CACNA1G: variants seen among roughly 807,000 people sequenced by gnomAD.
CACNA1G encodes voltage-dependent T-type calcium channel subunit alpha-1G.
In CACNA1G, 67 loss-of-function variants were observed where a neutral mutation model predicts 219.4. The observed-to-expected ratio is 0.31, with a 90% confidence interval of 0.25 to 0.37. The LOEUF (loss-of-function observed/expected upper bound fraction) is 0.37. CACNA1G is among the 10% of genes least tolerant of loss of function. CACNA1G has a pLI of 1.00. For synonymous variants in CACNA1G, 1,296 were observed against 1,345.3 expected (o/e 0.96, Z 0.80); for missense variants, 2,380 against 3,231.4 (o/e 0.74, Z 6.39).
At position 50,607,915 on chromosome 17, in the gene CACNA1G, G is replaced by T; in HGVS notation, c.4601G>T (p.Gly1534Val). 1 of 1,614,056 alleles carries T rather than the reference G, an allele frequency of 6.2e-7. No homozygotes were observed. Among genetic ancestry groups the T allele is most frequent in the Non-Finnish European group, 8.5e-7 (1 of 1,179,902 alleles). The change falls in exon 25 of 38, where the codon GGT becomes GTT. Residue 1534 changes from glycine to valine, a missense_variant. Gly to Val is a moderately radical substitution (Grantham distance 109, BLOSUM62 -3). Transcript: ENST00000359106. ...VAFFVLNMFV[G>V]VVVENFHKCR... ...TTCTTTGTCCTGAACATGTTTGTGG[G>T]TGTGGTGGTGGAGAACTTCCACAAG...
In CACNA1G at chr17:50,603,048, G is replaced by T; in HGVS notation, c.4018G>T (p.Ala1340Ser). 1 of 1,613,336 alleles carries T rather than the reference G, an allele frequency of 6.2e-7. No homozygotes were observed. The highest frequency in any genetic ancestry group is 2.2e-5 in the East Asian group (1 of 44,862). ...VALGWCFGEQ[A>S]YLRSSWNVLD... ...ACTGGGCTGGTGCTTCGGGGAGCAG[G>T]CGTACCTGCGGAGCAGTTGGAACGT... Residue 1340 changes from alanine (A) to serine (S), a missense_variant, in exon 21 of 38, where the codon GCG becomes TCG. Ala to Ser is a moderately conservative substitution (Grantham distance 99, BLOSUM62 1). Coordinates refer to ENST00000359106, the MANE Select transcript of CACNA1G (RefSeq NM_018896.5). The surrounding 1 kb of genome is among the most constrained non-coding windows in gnomAD (Gnocchi z 6.4).
At chr17:50,592,644 G>A (rs560995904) in intron 13 of CACNA1G, among the ~76,000 whole-genome samples, 2 of 152,310 alleles carry the variant, frequency 1.3e-5, no homozygotes, top group Admixed American at 6.5e-5. Flanking sequence ...CACAGGCAGC[G>A]TCATCAATTA....
chr17:50,596,636 G>T lies in CACNA1G; in HGVS notation c.3054G>T (p.Lys1018Asn). ...PSLDGDGDRK[K>N]CLALVSLGEH... is the part of the protein sequence containing the mutation. ...TGGATGGTGATGGGGACAGGAAGAA[G>T]TGCTTGGCCTGTGAGTACCTATCCT... Residue 1018 changes from lysine to asparagine, a missense_variant, in exon 15 of 38, where the codon AAG becomes AAT. By Grantham distance (94) the Lys-to-Asn change is moderately conservative (BLOSUM62 0). Around this residue, in one of 17 missense-constraint regions of CACNA1G, gnomAD observed 418 missense variants for 434.3 expected, o/e 0.96. Transcript: ENST00000359106. The surrounding 1 kb of genome is among the most constrained non-coding windows in gnomAD (Gnocchi z 4.8). The T allele has an allele frequency of 6.2e-7, 1 of 1,613,982 alleles. No individual in the cohort carries two copies.
rs979598228 is a variant in CACNA1G, at chr17:50,627,080, G to C, written c.*329G>C. On this transcript the variant is annotated 3_prime_UTR_variant, in exon 38 of 38. Coordinates refer to ENST00000359106, the MANE Select transcript of CACNA1G (RefSeq NM_018896.5). Reference sequence around the variant, plus strand: ...AATTAATTGAATCTAGTATATGCGGGATGTACGACATTTTGTGACTGAAGA... The same window carrying C: ...AATTAATTGAATCTAGTATATGCGGCATGTACGACATTTTGTGACTGAAGA... 1 of 498,316 alleles carries C rather than the reference G, an allele frequency of 2.0e-6. No homozygotes were observed. Among genetic ancestry groups the C allele is most frequent in the Admixed American group, 2.3e-5 (1 of 43,780 alleles). 30.9% of individuals were successfully genotyped at this position (498,316 alleles called of 1,614,324 possible).
intron 13 of CACNA1G, among the ~76,000 whole-genome samples, chr17:50,593,541 G>C (rs1011123385): frequency 3.9e-5 from 6 of 152,250 alleles, no homozygotes; most frequent in Non-Finnish European, 8.8e-5. Context: ...GAGCGGCCTG[G>C]TTGCTAGGCA....
chr17:50,626,925 G>T lies in CACNA1G; in HGVS notation c.*174G>T. On this transcript the variant is annotated 3_prime_UTR_variant, in exon 38 of 38. Transcript: ENST00000359106. The surrounding 1 kb of genome is among the most constrained non-coding windows in gnomAD (Gnocchi z 4.3). ...GCAGAACTTCCAAAGAGAGTTAAAA[G>T]CAGCAGCCCCGGCAACTCTGGCTCC... 1.2e-6 allele frequency: 1 copy of T among 855,566 alleles called. No individual in the cohort carries two copies. 53.0% of individuals were successfully genotyped at this position (855,566 alleles called of 1,614,324 possible).
At position 50,626,394 on chromosome 17, in the gene CACNA1G, G is replaced by A. The variant is rs751264684; in HGVS notation, c.6777G>A (p.Thr2259=). The change falls in exon 38 of 38, where the codon ACG becomes ACA. Residue 2259 remains threonine (T), a synonymous_variant. Coordinates refer to ENST00000359106, the MANE Select transcript of CACNA1G (RefSeq NM_018896.5). This position sits in a 1 kb window ranked among gnomAD's most constrained non-coding sequence, Gnocchi z 4.3. ...VEAQSCQRRP[T]SWLDEQRRHS... is the part of the protein sequence containing the mutation. ...CCCAGAGCTGCCAGCGCCGGCCTACGTCCTGGCTGGATGAGCAGAGGAGAC... is the reference window on the plus strand; with the variant it reads ...CCCAGAGCTGCCAGCGCCGGCCTACATCCTGGCTGGATGAGCAGAGGAGAC... The A allele has an allele frequency of 4.3e-6, 7 of 1,611,704 alleles. No homozygotes were observed. The highest frequency in any genetic ancestry group is 2.2e-5 in the East Asian group (1 of 44,806).
At position 50,603,571 on chromosome 17, in the gene CACNA1G, C is replaced by T. The variant is rs970433129; in HGVS notation, c.4169+372C>T. On this transcript the variant is annotated intron_variant, in intron 21 of 37. Coordinates refer to ENST00000359106, the MANE Select transcript of CACNA1G (RefSeq NM_018896.5). This position sits in a 1 kb window ranked among gnomAD's most constrained non-coding sequence, Gnocchi z 6.4. The stretch of plus-strand genomic sequence containing the variant: ...CTAGGGGTGACACTCAGCCCCTCCC[C>T]GTGAGGTGACAGGCTCCTCTTGCTG... Among the ~76,000 whole-genome samples the T allele has an allele frequency of 3.3e-5, 5 of 152,098 alleles. No individual in the cohort carries two copies. Among genetic ancestry groups the T allele is most frequent in the African/African-American group, 7.2e-5 (3 of 41,402 alleles).
chr17:50,621,570 TG>T lies in CACNA1G; in HGVS notation c.5926-86del. The stretch of plus-strand genomic sequence containing the variant: ...CCTGTGCTTCGTGAAAAGGGGGAAG[TG>T]GGGACTGAGAGAGAGCGCGTGTGTG... On this transcript the variant is annotated intron_variant, in intron 34 of 37. Transcript: ENST00000359106. This position sits in a 1 kb window ranked among gnomAD's most constrained non-coding sequence, Gnocchi z 4.6. The T allele has an allele frequency of 7.1e-7, 1 of 1,412,928 alleles. No individual in the cohort carries two copies. The allele number at this position is 1,412,928 out of a possible 1,614,324, so 87.5% of individuals were successfully genotyped here.
In CACNA1G at chr17:50,626,362, G is replaced by T. The variant is rs373232504; in HGVS notation, c.6745G>T (p.Val2249Leu). 2 of 1,612,584 alleles carry T rather than the reference G, an allele frequency of 1.2e-6. No homozygotes were observed. Among genetic ancestry groups the T allele is most frequent in the East Asian group, 2.2e-5 (1 of 44,864 alleles). ...ACGGGACCTGAAGAAGTGCTACAGC[G>T]TGGAGGCCCAGAGCTGCCAGCGCCG... Reference protein sequence around the residue: ...SPRDLKKCYSVEAQSCQRRPT... With the variant: ...SPRDLKKCYSLEAQSCQRRPT... The change falls in exon 38 of 38, where the codon GTG (valine) becomes TTG (leucine). Residue 2249 changes from valine (V) to leucine (L), a missense_variant. Val to Leu is a conservative substitution (Grantham distance 32). Around this residue, in one of 17 missense-constraint regions of CACNA1G, gnomAD observed 672 missense variants for 670.5 expected, o/e 1.00. Coordinates refer to ENST00000359106, the MANE Select transcript of CACNA1G (RefSeq NM_018896.5). This position sits in a 1 kb window ranked among gnomAD's most constrained non-coding sequence, Gnocchi z 4.3.
intron 37 of CACNA1G, among the ~76,000 whole-genome samples, chr17:50,625,443 C>G (rs937259873): frequency 6.6e-6 from 1 of 152,270 alleles, no homozygotes. Context: ...CTGAAGCTCA[C>G]AGTCTAATAG....
rs1286850757 is a variant in CACNA1G, at chr17:50,626,855, G to T, written c.*104G>T. On this transcript the variant is annotated 3_prime_UTR_variant, in exon 38 of 38. Transcript: ENST00000359106. This position sits in a 1 kb window ranked among gnomAD's most constrained non-coding sequence, Gnocchi z 4.3. ...AAAAGTTCCATATAGACACCAAGGA[G>T]GCGGAGGCGCTCCTCCCTGCCTCAG... 1.4e-6 allele frequency: 2 copies of T among 1,460,774 alleles called. No individual in the cohort carries two copies. The highest frequency in any genetic ancestry group is 1.9e-6 in the Non-Finnish European group (2 of 1,043,410). 90.5% of individuals were successfully genotyped at this position (1,460,774 alleles called of 1,614,324 possible). A position where few individuals can be genotyped will look rare whatever the true frequency, so the allele number is the denominator to read the frequency against.
intron 34 of CACNA1G, 51 bp downstream of exon 34, chr17:50,619,877 C>A: frequency 6.6e-7 from 1 of 1,508,466 alleles, no homozygotes; most frequent in South Asian, 1.3e-5. Context: ...CTGGGCTGTG[C>A]CACGCTGTGC....
Position 50,626,585 on chromosome 17 carries a change from C to T in CACNA1G, c.6968C>T (p.Thr2323Ile). 1 of 1,608,870 alleles carries T rather than the reference C, an allele frequency of 6.2e-7. No individual in the cohort carries two copies. The highest frequency in any genetic ancestry group is 8.5e-7 in the Non-Finnish European group (1 of 1,177,706). The change falls in exon 38 of 38, where the codon ACC becomes ATC. Residue 2323 changes from threonine (T) to isoleucine (I), a missense_variant. Physicochemically the swap from Thr to Ile is moderately conservative, Grantham distance 89 (BLOSUM62 -1). This residue lies in a region of CACNA1G where 672 missense variants were observed against 670.5 expected (regional missense o/e 1.00). Transcript: ENST00000359106. The surrounding 1 kb of genome is among the most constrained non-coding windows in gnomAD (Gnocchi z 4.3). ...IDPPESQGPR[T>I]PPSPGICLRR... ...CCCCCCGAGAGCCAAGGTCCTCGGA[C>T]CCCGCCCAGCCCTGGTATCTGCCTC... is the stretch of plus-strand genomic sequence containing the variant.
Position 50,624,390 on chromosome 17 carries a change from C to G in CACNA1G, c.6260C>G (p.Ala2087Gly), listed in dbSNP as rs2053128968. Residue 2087 changes from alanine to glycine, a missense_variant, in exon 37 of 38, where the codon GCA (alanine) becomes GGA (glycine). Ala to Gly is a moderately conservative substitution (Grantham distance 60). Around this residue, in one of 17 missense-constraint regions of CACNA1G, gnomAD observed 672 missense variants for 670.5 expected, o/e 1.00. Coordinates refer to ENST00000359106, the MANE Select transcript of CACNA1G (RefSeq NM_018896.5). ...GTCTTGTCCGTTCACTCCCAGCCAG[C>G]AGATACCAGCTACATCCTGCAGCTT... ...GSVLSVHSQP[A>G]DTSYILQLPK... 6.3e-7 allele frequency: 1 copy of G among 1,596,122 alleles called. No homozygotes were observed. Among genetic ancestry groups the G allele is most frequent in the Admixed American group, 1.7e-5 (1 of 58,034 alleles).
chr17:50,607,736 T>G, intron 24 of CACNA1G, 91 bp from the exon 25 acceptor site: 1 of 1,069,724 alleles, frequency 9.3e-7, no homozygotes, highest in African/African-American at 1.6e-5. Context: ...CTGTAGCTAT[T>G]TGGGTTCGCA....
intron 35 of CACNA1G, among the ~76,000 whole-genome samples, chr17:50,622,203 T>C (rs2052325448): frequency 9.7e-6 from 1 of 102,848 alleles, no homozygotes; most frequent in African/African-American, 3.8e-5. Context: ...CCCAACAACA[T>C]GAGACCTTCA....
At chr17:50,583,475 A>G (rs371305399) in intron 9 of CACNA1G, among the ~76,000 whole-genome samples, 105 of 152,294 alleles carry the variant, frequency 6.9e-4, no homozygotes, top group African/African-American at 2.5e-3. Flanking sequence ...ACACCCAAGA[A>G]ATGTAGGTTC....
chr17:50,581,544 C>G (rs1050535980), intron 9 of CACNA1G, among the ~76,000 whole-genome samples: 6 of 152,316 alleles, frequency 3.9e-5, no homozygotes, highest in East Asian at 1.9e-4. Flanking sequence ...TCCCGTCCCC[C>G]CAACCTGCGC....
Sources: gnomAD v4.1 joint callset for allele counts (sites outside exome capture counted in the v4.1 genomes callset) on GRCh38, gnomAD v4.1.1 for gene constraint, gnomAD v4.1.1 regional missense constraint, Gnocchi (gnomAD v3.1) non-coding constraint, MANE v1.5 for transcripts, NCBI Gene and HGNC (gene_info 2026-07-23, HGNC 2026-07-21) for gene names.